The following TTC28 variants were observed in gnomAD, a reference collection of about 807,000 sequenced individuals.
TTC28 encodes tetratricopeptide repeat protein 28.
In TTC28, 61 loss-of-function variants were observed where a neutral mutation model predicts 198.0. The ratio of observed to expected loss-of-function variants is 0.31; its 90% CI spans 0.25 to 0.38. The LOEUF is 0.38. Among genes scored for constraint, TTC28 ranks in the 10% least tolerant of loss-of-function variants. The pLI, the probability that TTC28 is intolerant of heterozygous loss-of-function variation, is 1.00. For missense variants in TTC28, 2,678 were observed against 3,164.0 expected, an observed-to-expected ratio of 0.85 and a Z score of 3.69; for synonymous variants, 1,171 against 1,297.8, an observed-to-expected ratio of 0.90 and a Z score of 2.10.
chr22:28,204,868 T>C (rs1406502256), intron 5 of TTC28, among the ~76,000 whole-genome samples: 1 of 152,156 alleles, frequency 6.6e-6, no homozygotes, highest in Non-Finnish European at 1.5e-5. Flanking sequence ...GAAAATTAAA[T>C]GTCTAAATGA....
intron 6 of TTC28, among the ~76,000 whole-genome samples, chr22:28,162,274 T>C (rs1013512126): frequency 2.0e-5 from 3 of 152,240 alleles, no homozygotes; most frequent in African/African-American, 4.8e-5. Context: ...CATCTTTAAA[T>C]AGATCTTTCA....
intron 2 of TTC28, among the ~76,000 whole-genome samples, chr22:28,405,489 G>T (rs1187964578): frequency 6.6e-6 from 1 of 152,124 alleles, no homozygotes; most frequent in East Asian, 1.9e-4. Flanking sequence ...ACCACAAAAA[G>T]GATACAGTAA....
intron 2 of TTC28, among the ~76,000 whole-genome samples, chr22:28,587,553 G>A (rs1299081943): frequency 6.6e-6 from 1 of 151,774 alleles, no homozygotes; most frequent in Non-Finnish European, 1.5e-5. Context: ...CCAGGCTGGA[G>A]TACACAATCT....
At chr22:28,468,482 T>A (rs1429580429) in intron 2 of TTC28, among the ~76,000 whole-genome samples, 2 of 152,068 alleles carry the variant, frequency 1.3e-5, no homozygotes, top group African/African-American at 2.4e-5. Context: ...TCTTTCATCC[T>A]TCATTTCTTT....
intron 2 of TTC28, among the ~76,000 whole-genome samples, chr22:28,544,970 C>G (rs2049505702): frequency 6.6e-6 from 1 of 152,176 alleles, no homozygotes; most frequent in South Asian, 2.1e-4. Flanking sequence ...TCGAGCAGCC[C>G]ATGAGGGTGC....
At chr22:28,366,006 G>C (rs2046240490) in intron 2 of TTC28, among the ~76,000 whole-genome samples, 2 of 152,192 alleles carry the variant, frequency 1.3e-5, no homozygotes. Context: ...ACATGGCTAA[G>C]TGCTAAATAC....
chr22:28,460,828 T>G (rs1336670409), intron 2 of TTC28, among the ~76,000 whole-genome samples: 3 of 151,828 alleles, frequency 2.0e-5, no homozygotes, highest in Non-Finnish European at 4.4e-5. Context: ...GGACCACAGG[T>G]GTGCATCACC....
chr22:28,352,177 C>G (rs1331878120), intron 2 of TTC28, among the ~76,000 whole-genome samples: 1 of 151,990 alleles, frequency 6.6e-6, no homozygotes, highest in Non-Finnish European at 1.5e-5. Context: ...AAACCAATGC[C>G]TTAGATCTCA....
At chr22:27,985,162 G>A (rs1335078184) in intron 22 of TTC28, 87 bp downstream of exon 22, 1 of 978,510 alleles carries the variant, frequency 1.0e-6, no homozygotes, top group African/African-American at 1.6e-5. Context: ...CTTTTCTTCT[G>A]CTTCCCAAAA....
intron 12 of TTC28, among the ~76,000 whole-genome samples, chr22:28,087,397 C>T (rs1233206757): frequency 6.6e-6 from 1 of 152,026 alleles, no homozygotes; most frequent in African/African-American, 2.4e-5. Context: ...ATAAACAGAA[C>T]CAAAGACAAA....
chr22:28,010,563 G>A (rs1322396940), intron 14 of TTC28, among the ~76,000 whole-genome samples: 1 of 152,126 alleles, frequency 6.6e-6, no homozygotes, highest in Admixed American at 6.5e-5. Context: ...GTACAGAGCC[G>A]CCACAATAGT....
At chr22:28,004,441 G>A (rs1001674765) in intron 14 of TTC28, among the ~76,000 whole-genome samples, 1 of 152,180 alleles carries the variant, frequency 6.6e-6, no homozygotes, top group Admixed American at 6.5e-5. Flanking sequence ...CTTAGCAGGT[G>A]AGGAGAAGTC....
At chr22:28,407,249 A>G (rs2047011137) in intron 2 of TTC28, among the ~76,000 whole-genome samples, 1 of 152,198 alleles carries the variant, frequency 6.6e-6, no homozygotes, top group African/African-American at 2.4e-5. Flanking sequence ...GTCTTTTCCT[A>G]GACCGAGACA....
chr22:28,127,542 G>C (rs961014039), intron 6 of TTC28, among the ~76,000 whole-genome samples: 2 of 152,120 alleles, frequency 1.3e-5, no homozygotes, highest in African/African-American at 4.8e-5. Context: ...GAGATATGCA[G>C]TAATGTAAAA....
intron 2 of TTC28, among the ~76,000 whole-genome samples, chr22:28,598,872 A>C (rs547970833): frequency 3.3e-5 from 5 of 152,222 alleles, no homozygotes; most frequent in African/African-American, 9.6e-5. Flanking sequence ...ATTCAAGACT[A>C]TAAGTATAGT....
chr22:28,388,572 T>G (rs1001374436), intron 2 of TTC28, among the ~76,000 whole-genome samples: 7 of 152,086 alleles, frequency 4.6e-5, no homozygotes, highest in African/African-American at 7.2e-5. Flanking sequence ...TCCCTTGTAA[T>G]TTGGATTCCT....
At chr22:28,331,955 G>C (rs1235810127) in intron 2 of TTC28, among the ~76,000 whole-genome samples, 3 of 152,182 alleles carry the variant, frequency 2.0e-5, no homozygotes, top group Non-Finnish European at 2.9e-5. Context: ...AAACTTGGTT[G>C]CATCAACTTT....
intron 2 of TTC28, among the ~76,000 whole-genome samples, chr22:28,563,251 C>G (rs547544057): frequency 1.3e-5 from 2 of 152,126 alleles, no homozygotes; most frequent in Non-Finnish European, 2.9e-5. Flanking sequence ...TATTTGTCAT[C>G]CCTTTCTTAC....
intron 12 of TTC28, among the ~76,000 whole-genome samples, chr22:28,088,861 A>T (rs1207252111): frequency 6.6e-6 from 1 of 152,252 alleles, no homozygotes; most frequent in African/African-American, 2.4e-5. Flanking sequence ...AAGGACATGA[A>T]CAGACACTTC....
Sources: allele counts gnomAD v4.1 joint callset (sites outside exome capture counted in the v4.1 genomes callset), GRCh38; gene constraint gnomAD v4.1.1; transcripts MANE v1.5; gene names NCBI Gene and HGNC (gene_info 2026-07-23, HGNC 2026-07-21).